The following EVA1C variants were observed in gnomAD, a reference collection of about 807,000 sequenced individuals.
EVA1C encodes protein eva-1 homolog C.
In EVA1C, 25 loss-of-function variants were observed where a neutral mutation model predicts 45.4. That is an observed-to-expected ratio of 0.55 (90% CI 0.40 to 0.77). The LOEUF (loss-of-function observed/expected upper bound fraction) is 0.77. EVA1C is among the 30% of genes least tolerant of loss of function. The pLI is 0.00. For missense variants in EVA1C, 479 were observed against 554.8 expected, an observed-to-expected ratio of 0.86 and a Z score of 1.37; for synonymous variants, 190 against 221.2, an observed-to-expected ratio of 0.86 and a Z score of 1.25.
At chr21:32,497,085 T>C in intron 5 of EVA1C, 2 of 982,540 alleles carry the variant, frequency 2.0e-6, no homozygotes, top group Non-Finnish European at 1.7e-6. Flanking sequence ...ATGGTCTGCT[T>C]TTTAAAGTGA....
At chr21:32,457,801 G>T (rs369741806) in intron 3 of EVA1C, 81 bp downstream of exon 3, 5 of 1,535,480 alleles carry the variant, frequency 3.3e-6, no homozygotes, top group Admixed American at 1.8e-5. Context: ...TTCTCTGCCC[G>T]TTGGCATTTG....
In EVA1C at chr21:32,455,860, C is replaced by T. The variant is rs562497406; in HGVS notation, c.358-1737C>T. On this transcript the variant is annotated intron_variant, in intron 2 of 7. Transcript: ENST00000300255. Reference sequence around the variant, plus strand: ...ACATCCCCATGCGCTACTCTTTCAACCAGAGGTCAAGAAGTCCTTTACTTT... The same window carrying T: ...ACATCCCCATGCGCTACTCTTTCAATCAGAGGTCAAGAAGTCCTTTACTTT... 8.7e-4 allele frequency among the ~76,000 whole-genome samples: 133 copies of T among 152,226 alleles called. 2 individuals carry two copies. In the South Asian group the frequency reaches 0.027, roughly 30 times the overall value.
intron 1 of EVA1C, among the ~76,000 whole-genome samples, chr21:32,427,110 T>C (rs1251374501): frequency 6.6e-6 from 1 of 152,154 alleles, no homozygotes; most frequent in South Asian, 2.1e-4. Flanking sequence ...TTTGGTGCCA[T>C]AGAACTTCAG....
chr21:32,479,526 C>T (rs1040766860), intron 4 of EVA1C, among the ~76,000 whole-genome samples: 3 of 152,138 alleles, frequency 2.0e-5, no homozygotes, highest in Non-Finnish European at 4.4e-5. Flanking sequence ...CAGAATCCTG[C>T]GAACCATTCA....
rs145531662 is a variant in EVA1C, at chr21:32,504,929, G to A, written c.949+914G>A. ...ATGGTTAGGGAGGCCTAACAATCTCGGTGGAAGGTGAATGAGGAGCAAAGT... is the reference window on the plus strand; with the variant it reads ...ATGGTTAGGGAGGCCTAACAATCTCAGTGGAAGGTGAATGAGGAGCAAAGT... On this transcript the variant is annotated intron_variant, in intron 7 of 7. Coordinates refer to ENST00000300255, the MANE Select transcript of EVA1C (RefSeq NM_058187.5). Among the ~76,000 whole-genome samples the A allele has an allele frequency of 8.3e-3, 1,269 of 152,168 alleles. 10 individuals carry two copies. The highest frequency in any genetic ancestry group is 0.013 in the Non-Finnish European group (860 of 68,008).
At chr21:32,509,113 G>T (rs1800794032) in intron 7 of EVA1C, among the ~76,000 whole-genome samples, 1 of 152,212 alleles carries the variant, frequency 6.6e-6, no homozygotes, top group South Asian at 2.1e-4. Context: ...AGAGAGCCCT[G>T]GCCTGAGCTT....
intron 1 of EVA1C, 94 bp from the exon 2 acceptor site, chr21:32,453,218 C>A: frequency 1.2e-6 from 1 of 841,942 alleles, no homozygotes; most frequent in Non-Finnish European, 1.9e-6. Context: ...ATTGAACAGC[C>A]CTTCCCCAGG....
rs55878843 is a variant in EVA1C at position 32,457,698 on chromosome 21, G to A, written c.459G>A (p.Leu153=). Reference sequence around the variant, plus strand: ...GTCCAGGAAGCAGTAAATACCTCCTGGTCTCCTTTAAATGCCAACCTAGTA... The same window carrying A: ...GTCCAGGAAGCAGTAAATACCTCCTAGTCTCCTTTAAATGCCAACCTAGTA... The part of the protein sequence containing the change: ...DLCPGSSKYL[L]VSFKCQPNEL... The change falls in exon 3 of 8, where the codon CTG becomes CTA. Residue 153 remains leucine, a synonymous_variant. Transcript: ENST00000300255. The A allele has an allele frequency of 0.072, 116,098 of 1,613,872 alleles. 4,973 individuals are homozygous for A. Among genetic ancestry groups the A allele is most frequent in the Non-Finnish European group, 0.079 (93,788 of 1,179,812 alleles).
At chr21:32,462,221 TAA>T (rs769281297) in intron 3 of EVA1C, among the ~76,000 whole-genome samples, 11 of 106,304 alleles carry the variant, frequency 1.0e-4, no homozygotes, top group Non-Finnish European at 7.8e-5. Context: ...CCCCTATCTC[TAA>T]AAAAAAAAAA....
At chr21:32,461,843 G>C (rs1159283171) in intron 3 of EVA1C, among the ~76,000 whole-genome samples, 2 of 152,214 alleles carry the variant, frequency 1.3e-5, no homozygotes, top group Non-Finnish European at 2.9e-5. Flanking sequence ...GTAGGTTTCA[G>C]CGAGGCTTGG....
intron 1 of EVA1C, among the ~76,000 whole-genome samples, chr21:32,450,481 G>T (rs1329109920): frequency 1.4e-5 from 2 of 143,658 alleles, no homozygotes; most frequent in African/African-American, 5.2e-5. Flanking sequence ...TTGATGTGTG[G>T]TCAGCTGCTT....
At chr21:32,490,415 G>A (rs1427041401) in intron 4 of EVA1C, among the ~76,000 whole-genome samples, 17 of 152,078 alleles carry the variant, frequency 1.1e-4, no homozygotes, top group African/African-American at 1.7e-4. Context: ...CTTAGGAGTC[G>A]GACTTGGTCA....
intron 4 of EVA1C, among the ~76,000 whole-genome samples, chr21:32,479,148 C>T (rs906717199): frequency 6.6e-6 from 1 of 152,210 alleles, no homozygotes; most frequent in East Asian, 1.9e-4. Flanking sequence ...AGGCTGGGAG[C>T]GGTGGCTCAC....
chr21:32,423,120 C>T (rs1174730659), intron 1 of EVA1C, among the ~76,000 whole-genome samples: 1 of 141,636 alleles, frequency 7.1e-6, no homozygotes, highest in Non-Finnish European at 1.5e-5. Flanking sequence ...AATGGTACAA[C>T]TTTGAATGCA....
chr21:32,506,392 T>A (rs578258412), intron 7 of EVA1C, among the ~76,000 whole-genome samples: 3 of 151,666 alleles, frequency 2.0e-5, no homozygotes, highest in Non-Finnish European at 4.4e-5. Flanking sequence ...TCCATTTTTT[T>A]AAAATGTAAG....
chr21:32,494,002 G>T (rs8128839), intron 4 of EVA1C, among the ~76,000 whole-genome samples: 4,435 of 152,134 alleles, frequency 0.029, 100 homozygotes, highest in South Asian at 0.09. Context: ...GTTTTGCCAT[G>T]TTGGCCAGGT....
intron 5 of EVA1C, among the ~76,000 whole-genome samples, chr21:32,499,297 A>G (rs2037452298): frequency 6.6e-6 from 1 of 152,220 alleles, no homozygotes; most frequent in Admixed American, 6.5e-5. Context: ...CCAGAAATGA[A>G]TGCGAGGTAA....
chr21:32,478,149 C>G (rs1429268953), intron 4 of EVA1C, among the ~76,000 whole-genome samples: 1 of 151,010 alleles, frequency 6.6e-6, no homozygotes, highest in African/African-American at 2.4e-5. Flanking sequence ...ATACTGAAGT[C>G]CTAACTCCCG....
intron 4 of EVA1C, among the ~76,000 whole-genome samples, chr21:32,472,338 T>TAA (rs2036406848): frequency 6.6e-6 from 1 of 152,094 alleles, no homozygotes; most frequent in Admixed American, 6.6e-5. Flanking sequence ...TTTGTATTTT[T>TAA]AGTAGAGATG....
Sources: allele counts gnomAD v4.1 joint callset (sites outside exome capture counted in the v4.1 genomes callset), GRCh38; gene constraint gnomAD v4.1.1; transcripts MANE v1.5; gene names NCBI Gene and HGNC (gene_info 2026-07-23, HGNC 2026-07-21).